Variants in MYPN observed in about 807,000 individuals in gnomAD.
MYPN encodes the protein sarcomeric protein myopalladin, 145 kDa (MYOP).
In MYPN, 63 loss-of-function variants were observed where a neutral mutation model predicts 129.4. The ratio of observed to expected loss-of-function variants is 0.49; its 90% CI spans 0.40 to 0.60. The LOEUF is 0.60. Ranked by LOEUF, MYPN falls within the 20% of genes least tolerant of loss-of-function variation. MYPN has a pLI of 0.00. For synonymous variants in MYPN, 629 were observed against 600.9 expected (o/e 1.05, Z -0.68); for missense variants, 1,596 against 1,635.4 (o/e 0.98, Z 0.42).
At position 68,165,803 on chromosome 10, in the gene MYPN, C is replaced by G. The variant is rs199476408; in HGVS notation, c.1585C>G (p.Gln529Glu). The G allele has an allele frequency of 6.2e-7, 1 of 1,613,800 alleles. No homozygotes were observed. Among genetic ancestry groups the G allele is most frequent in the Admixed American group, 1.7e-5 (1 of 60,024 alleles). The change falls in exon 9 of 20, where the codon CAG (glutamine) becomes GAG (glutamate). Residue 529 changes from glutamine to glutamate, a missense_variant. Transcript: ENST00000358913. The stretch of plus-strand genomic sequence containing the variant: ...ATACGGCACAGTGTCAAGCATTGCA[C>G]AGCTGCACGTGAGAGGTAAGGACTC... ...NKYGTVSSIA[Q>E]LHVRGNEDLS...
intron 1 of MYPN, among the ~76,000 whole-genome samples, chr10:68,097,558 A>G (rs1173710193): frequency 6.6e-6 from 1 of 152,192 alleles, no homozygotes; most frequent in Non-Finnish European, 1.5e-5. Flanking sequence ...GCATTGTTCT[A>G]AAAGTATTAA....
chr10:68,203,720 C>CAGAGAGAGAGAGAGAG (rs371058853), intron 18 of MYPN, among the ~76,000 whole-genome samples: 6,381 of 115,362 alleles, frequency 0.055, 216 homozygotes, highest in Admixed American at 0.084. Flanking sequence ...CATACACACA[C>CAGAGAGAGAGAGAGAG]AGAGAGAGAG....
intron 2 of MYPN, among the ~76,000 whole-genome samples, chr10:68,134,432 G>A (rs1283285690): frequency 2.0e-5 from 3 of 152,134 alleles, no homozygotes; most frequent in African/African-American, 4.8e-5. Context: ...GTAATTTAAT[G>A]TTTAAAAAAA....
intron 2 of MYPN, among the ~76,000 whole-genome samples, chr10:68,126,994 G>A (rs1163957794): frequency 6.6e-6 from 1 of 152,152 alleles, no homozygotes; most frequent in African/African-American, 2.4e-5. Flanking sequence ...CTAGAGTGGA[G>A]TAGTGATTTT....
intron 2 of MYPN, among the ~76,000 whole-genome samples, chr10:68,135,752 C>T (rs765383511): frequency 3.2e-4 from 48 of 152,286 alleles, no homozygotes; most frequent in Non-Finnish European, 5.7e-4. Context: ...ATGTACCATA[C>T]ACTGTGCTAG....
chr10:68,124,834 G>A (rs956221700), intron 2 of MYPN, among the ~76,000 whole-genome samples: 6 of 152,196 alleles, frequency 3.9e-5, no homozygotes, highest in Admixed American at 3.9e-4. Flanking sequence ...ACACAGGGCG[G>A]TGTCTACTCT....
At chr10:68,166,217 C>A in intron 9 of MYPN, 77 bp from the exon 10 acceptor site, 1 of 1,561,602 alleles carries the variant, frequency 6.4e-7, no homozygotes, top group Non-Finnish European at 8.8e-7. Context: ...CTGGTGTGAA[C>A]ACTTTCCCAT....
At chr10:68,196,480 C>CTTT (rs1564695464) in intron 15 of MYPN, among the ~76,000 whole-genome samples, 3 of 81,236 alleles carry the variant, frequency 3.7e-5, no homozygotes, top group African/African-American at 6.5e-5. Context: ...ATACCTTCTT[C>CTTT]TTCTTTTTTT....
chr10:68,115,786 A>G (rs1433028195), intron 1 of MYPN, among the ~76,000 whole-genome samples: 2 of 151,970 alleles, frequency 1.3e-5, no homozygotes, highest in African/African-American at 4.8e-5. Flanking sequence ...TTCTGCCCTC[A>G]TTTTCTTTGG....
At position 68,139,590 on chromosome 10, in the gene MYPN, C is replaced by T. The variant is rs189711123; in HGVS notation, c.903-3350C>T. Among the ~76,000 whole-genome samples the T allele has an allele frequency of 3.1e-4, 47 of 152,282 alleles. No homozygotes were observed. In the East Asian group the frequency reaches 7.5e-3, roughly 24 times the overall value. On this transcript the variant is annotated intron_variant, in intron 2 of 19. Transcript: ENST00000358913. ...CAGTATTTGAATTTGGAACTGCACACGCTCTGAGGATTTGTTTGTACAAGC... is the reference window on the plus strand; with the variant it reads ...CAGTATTTGAATTTGGAACTGCACATGCTCTGAGGATTTGTTTGTACAAGC...
intron 18 of MYPN, 50 bp from the exon 19 acceptor site, chr10:68,206,720 G>T: frequency 6.2e-7 from 1 of 1,613,148 alleles, no homozygotes; most frequent in Non-Finnish European, 8.5e-7. Context: ...TTTGACAAAG[G>T]CATTTCTGCC....
chr10:68,149,303 C>G (rs2042725385), intron 5 of MYPN, among the ~76,000 whole-genome samples: 1 of 152,164 alleles, frequency 6.6e-6, no homozygotes, highest in Admixed American at 6.5e-5. Flanking sequence ...AGAGGTACTT[C>G]ATGTTAGTAG....
chr10:68,206,177 A>C lies in MYPN; in HGVS notation c.3660-593A>C, dbSNP rs376530668. Among the ~76,000 whole-genome samples the C allele has an allele frequency of 6.6e-5, 10 of 152,284 alleles. No individual in the cohort carries two copies. The East Asian group carries it at 1.7e-3, about 26-fold the overall frequency. On this transcript the variant is annotated intron_variant, in intron 18 of 19. Transcript: ENST00000358913. ...TATTGCAATTACTGGGGAGTTTCCA[A>C]AAATCCTAATGCTTGGATCCCAGCC...
At chr10:68,136,630 AAGGAC>A in intron 2 of MYPN, 1 of 1,532,830 alleles carries the variant, frequency 6.5e-7, no homozygotes, top group Non-Finnish European at 8.7e-7. Flanking sequence ...CCATCTGAGT[AAGGAC>A]AAAAACACTT....
chr10:68,195,085 C>T (rs2043582139), intron 14 of MYPN, among the ~76,000 whole-genome samples: 1 of 152,178 alleles, frequency 6.6e-6, no homozygotes, highest in Admixed American at 6.5e-5. Flanking sequence ...CTATAACATC[C>T]ATTCCTACTG....
Position 68,199,468 on chromosome 10 carries a change from A to C in MYPN, c.3386A>C (p.His1129Pro). The C allele has an allele frequency of 6.2e-7, 1 of 1,613,850 alleles. No homozygotes were observed. The highest frequency in any genetic ancestry group is 8.5e-7 in the Non-Finnish European group (1 of 1,179,982). Residue 1129 changes from histidine to proline, a missense_variant, in exon 17 of 20, where the codon CAC becomes CCC. Coordinates refer to ENST00000358913, the MANE Select transcript of MYPN (RefSeq NM_032578.4). ...HKMLVRETGV[H>P]SLLIDPLTQR... ...ATGCTGGTCAGGGAGACCGGAGTCC[A>C]CTCTCTGCTCATTGACCCACTCACT...
At chr10:68,147,718 T>G (rs1461114345) in intron 4 of MYPN, among the ~76,000 whole-genome samples, 1 of 152,058 alleles carries the variant, frequency 6.6e-6, no homozygotes, top group Admixed American at 6.5e-5. Context: ...CTCCCTGGGG[T>G]CAGGTTCTCT....
chr10:68,210,634 G>T lies in MYPN; in HGVS notation c.*179G>T. 1 of 736,906 alleles carries T rather than the reference G, an allele frequency of 1.4e-6. No individual in the cohort carries two copies. The highest frequency in any genetic ancestry group is 1.7e-5 in the African/African-American group (1 of 58,170). The allele number at this position is 736,906 out of a possible 1,614,324, so 45.6% of individuals were successfully genotyped here. A position where few individuals can be genotyped will look rare whatever the true frequency, so the allele number is the denominator to read the frequency against. ...CTTGCAGTCTCAGCTGAGGGAGAAA[G>T]GTAGGGCTGTGCCTTCTAAAGATTC... is the stretch of plus-strand genomic sequence containing the variant. On this transcript the variant is annotated 3_prime_UTR_variant, in exon 20 of 20. Transcript: ENST00000358913.
intron 2 of MYPN, among the ~76,000 whole-genome samples, chr10:68,134,544 C>T (rs922834877): frequency 1.3e-5 from 2 of 152,170 alleles, no homozygotes; most frequent in Non-Finnish European, 2.9e-5. Context: ...TGCCCGTAAT[C>T]CCAGCACTTT....
Sources: allele counts gnomAD v4.1 joint callset (sites outside exome capture counted in the v4.1 genomes callset), GRCh38; gene constraint gnomAD v4.1.1; transcripts MANE v1.5; gene names NCBI Gene and HGNC (gene_info 2026-07-23, HGNC 2026-07-21).